Variants in TFDP2 observed in about 807,000 individuals in gnomAD.
TFDP2 encodes transcription factor Dp-2 (E2F dimerization partner 2).
Under a neutral mutation model 59.3 loss-of-function variants are expected in TFDP2, and 17 were observed. That is an observed-to-expected ratio of 0.29 (90% CI 0.20 to 0.43). TFDP2 has a LOEUF of 0.43. TFDP2 is among the 20% of genes least tolerant of loss of function. The pLI, the probability that TFDP2 is intolerant of heterozygous loss-of-function variation, is 1.00. For missense variants in TFDP2, 391 were observed against 528.8 expected, an observed-to-expected ratio of 0.74 and a Z score of 2.56; for synonymous variants, 180 against 194.7, an observed-to-expected ratio of 0.92 and a Z score of 0.63.
intron 3 of TFDP2, among the ~76,000 whole-genome samples, chr3:142,085,627 C>G (rs1231398221): frequency 1.3e-5 from 2 of 151,962 alleles, no homozygotes; most frequent in Admixed American, 1.3e-4. Flanking sequence ...ACAAAAATTT[C>G]CCCTGCCAAC....
chr3:141,986,063 CAA>C (rs1247945880), intron 6 of TFDP2, among the ~76,000 whole-genome samples: 1 of 152,172 alleles, frequency 6.6e-6, no homozygotes, highest in Admixed American at 6.5e-5. Context: ...AAGGGCTAAA[CAA>C]AGAGTAACTG....
At position 142,149,402 on chromosome 3, in the gene TFDP2, A is replaced by G; in HGVS notation, c.-312T>C. The G allele has an allele frequency of 2.6e-6, 1 of 382,072 alleles. No homozygotes were observed. The highest frequency in any genetic ancestry group is 4.6e-6 in the Non-Finnish European group (1 of 216,002). 23.7% of individuals were successfully genotyped at this position (382,072 alleles called of 1,614,324 possible). A position where few individuals can be genotyped will look rare whatever the true frequency, so the allele number is the denominator to read the frequency against. On this transcript the variant is annotated 5_prime_UTR_variant, in exon 1 of 13. Coordinates refer to ENST00000489671, the MANE Select transcript of TFDP2 (RefSeq NM_001178139.2). ...GCGCCCTCGAGCCTGCCCAAAGATG[A>G]AGGGTCAGGGCGCGCCCCGCGGGCC...
intron 3 of TFDP2, among the ~76,000 whole-genome samples, chr3:142,020,377 T>C (rs577287757): frequency 7.8e-4 from 118 of 151,952 alleles, no homozygotes; most frequent in African/African-American, 2.8e-3. Context: ...CTACTAAAAA[T>C]ATAAAAAATT....
At position 142,062,467 on chromosome 3, in the gene TFDP2, G is replaced by C. The variant is rs571584342; in HGVS notation, c.82+30594C>G. Among the ~76,000 whole-genome samples, 6 of 151,034 alleles carry C rather than the reference G, an allele frequency of 4.0e-5. No homozygotes were observed. In the East Asian group the frequency reaches 1.2e-3, roughly 29 times the overall value. ...TAAAAAACCAATAGGAGAGACAGCG[G>C]TTCTGATTCTTTGGAGAACCCTGAC... is the stretch of plus-strand genomic sequence containing the variant. On this transcript the variant is annotated intron_variant, in intron 3 of 12. Transcript: ENST00000489671.
At chr3:141,988,187 T>C (rs1301931983) in intron 6 of TFDP2, among the ~76,000 whole-genome samples, 9 of 152,082 alleles carry the variant, frequency 5.9e-5, no homozygotes, top group Admixed American at 5.9e-4. Context: ...CGCAAGAGAA[T>C]CGCCTGGGTT....
In TFDP2 at chr3:141,959,609, G is replaced by T. The variant is rs1163467220; in HGVS notation, c.1051+65C>A. The stretch of plus-strand genomic sequence containing the variant: ...AAATTTTGCAATTTTCTATAAGAAA[G>T]GTTTTAACAAGTTTGGATTCAACAT... On this transcript the variant is annotated intron_variant, in intron 11 of 12. Coordinates refer to ENST00000489671, the MANE Select transcript of TFDP2 (RefSeq NM_001178139.2). 5.8e-6 allele frequency: 9 copies of T among 1,556,460 alleles called. No individual in the cohort carries two copies. In the East Asian group the frequency reaches 1.1e-4, roughly 20 times the overall value.
intron 3 of TFDP2, among the ~76,000 whole-genome samples, chr3:142,088,318 CT>C (rs139103121): frequency 1.0e-4 from 15 of 149,524 alleles, no homozygotes; most frequent in Admixed American, 6.7e-5. Flanking sequence ...GTCCAGCTAT[CT>C]TTTTTTTTTC....
rs897186814 is a variant in TFDP2 at position 141,959,601 on chromosome 3, A to G, written c.1051+73T>C. The G allele has an allele frequency of 7.1e-6, 11 of 1,547,222 alleles. No homozygotes were observed. In the African/African-American group the frequency reaches 8.3e-5, roughly 12 times the overall value. On this transcript the variant is annotated intron_variant, in intron 11 of 12. Transcript: ENST00000489671. ...ATGTTCTAAAATTTTGCAATTTTCT[A>G]TAAGAAAGGTTTTAACAAGTTTGGA...
intron 2 of TFDP2, among the ~76,000 whole-genome samples, chr3:142,101,132 T>TA (rs2061303570): frequency 6.6e-6 from 1 of 152,144 alleles, no homozygotes; most frequent in African/African-American, 2.4e-5. Flanking sequence ...TTCTTTACCA[T>TA]AACTGGAAAC....
intron 1 of TFDP2, among the ~76,000 whole-genome samples, chr3:142,120,941 T>C (rs1307376819): frequency 2.0e-5 from 3 of 151,966 alleles, no homozygotes; most frequent in Non-Finnish European, 1.5e-5. Context: ...ACTAATTTAT[T>C]TGGATTGTAG....
At chr3:142,110,883 G>A (rs1436958873) in intron 1 of TFDP2, among the ~76,000 whole-genome samples, 1 of 151,854 alleles carries the variant, frequency 6.6e-6, no homozygotes, top group Non-Finnish European at 1.5e-5. Flanking sequence ...AGCCCAGGAG[G>A]TAGAGGCTGC....
chr3:141,993,481 C>CA, intron 6 of TFDP2, 57 bp downstream of exon 6: 1 of 1,154,270 alleles, frequency 8.7e-7, no homozygotes, highest in Non-Finnish European at 1.2e-6. Context: ...GTGGCAATGC[C>CA]AACAGCCTCT....
At chr3:142,035,525 T>C (rs975506222) in intron 3 of TFDP2, among the ~76,000 whole-genome samples, 1 of 152,182 alleles carries the variant, frequency 6.6e-6, no homozygotes, top group African/African-American at 2.4e-5. Flanking sequence ...TTGAGAGAGA[T>C]GAGAAAACGT....
intron 9 of TFDP2, among the ~76,000 whole-genome samples, chr3:141,968,399 A>AT (rs1938565268): frequency 9.0e-6 from 1 of 110,738 alleles, no homozygotes; most frequent in African/African-American, 3.3e-5. Context: ...TATAACATAT[A>AT]TATCATATAT....
intron 3 of TFDP2, among the ~76,000 whole-genome samples, chr3:142,018,457 GTTTTTTAT>G (rs903492582): frequency 1.5e-4 from 23 of 151,962 alleles, no homozygotes; most frequent in Non-Finnish European, 2.4e-4. Flanking sequence ...TTAATCTACT[GTTTTTTAT>G]TTTTTTATTT....
intron 3 of TFDP2, among the ~76,000 whole-genome samples, chr3:142,064,405 A>G (rs2060010560): frequency 6.6e-6 from 1 of 152,136 alleles, no homozygotes; most frequent in Admixed American, 6.5e-5. Flanking sequence ...CTCATGCTTG[A>G]TAAAATTCGA....
chr3:142,075,040 C>T (rs987652793), intron 3 of TFDP2, among the ~76,000 whole-genome samples: 2 of 151,952 alleles, frequency 1.3e-5, no homozygotes, highest in Admixed American at 6.6e-5. Context: ...TGGATTCTCA[C>T]GTTACACCAT....
intron 3 of TFDP2, among the ~76,000 whole-genome samples, chr3:142,013,516 G>A (rs532895282): frequency 1.3e-5 from 2 of 152,290 alleles, no homozygotes; most frequent in South Asian, 4.1e-4. Context: ...ATAGGAGCTC[G>A]ACACTGTCCA....
At chr3:141,999,616 G>A (rs1576641779) in intron 4 of TFDP2, among the ~76,000 whole-genome samples, 1 of 152,100 alleles carries the variant, frequency 6.6e-6, no homozygotes, top group South Asian at 2.1e-4. Context: ...ACTTTTCATG[G>A]GGCCTTTTGA....
Sources: allele counts gnomAD v4.1 joint callset (sites outside exome capture counted in the v4.1 genomes callset), GRCh38; gene constraint gnomAD v4.1.1; transcripts MANE v1.5; gene names NCBI Gene and HGNC (gene_info 2026-07-23, HGNC 2026-07-21).